The following EPHB2 variants were observed in gnomAD, a reference collection of about 807,000 sequenced individuals.
EPHB2 encodes EPH receptor B2.
Under a neutral mutation model 96.4 loss-of-function variants are expected in EPHB2, and 18 were observed. The ratio of observed to expected loss-of-function variants is 0.19; its 90% CI spans 0.13 to 0.28. EPHB2 has a LOEUF of 0.28. Ranked by LOEUF, EPHB2 falls within the 10% of genes least tolerant of loss-of-function variation. The pLI is 1.00. For synonymous variants in EPHB2, 506 were observed against 534.1 expected (o/e 0.95, Z 0.72); for missense variants, 989 against 1,355.4 (o/e 0.73, Z 4.25).
At chr1:22,864,520 A>G (rs566667656) in intron 4 of EPHB2, among the ~76,000 whole-genome samples, 1 of 152,334 alleles carries the variant, frequency 6.6e-6, no homozygotes, top group Admixed American at 6.5e-5. Context: ...GCACTTAAAC[A>G]CAGGAGGCTG....
chr1:22,740,739 C>T (rs1643891427), intron 1 of EPHB2, among the ~76,000 whole-genome samples: 2 of 152,168 alleles, frequency 1.3e-5, no homozygotes, highest in South Asian at 2.1e-4. Flanking sequence ...CTTCCCCGCC[C>T]GTCTCATCCC....
At chr1:22,879,283 GA>G in intron 5 of EPHB2, among the ~76,000 whole-genome samples, 1 of 152,362 alleles carries the variant, frequency 6.6e-6, no homozygotes, top group Admixed American at 6.5e-5. Context: ...GAGGCATGGG[GA>G]TTGGGGTGCT....
At chr1:22,862,901 G>A in intron 3 of EPHB2, 136 bp from the exon 4 acceptor site, 1 of 1,188,010 alleles carries the variant, frequency 8.4e-7, no homozygotes, top group South Asian at 1.2e-5. Context: ...AACCCTTCAA[G>A]AGATGAGATT....
At chr1:22,785,242 G>C (rs564119944) in intron 3 of EPHB2, among the ~76,000 whole-genome samples, 166 bp downstream of exon 3, 2 of 152,346 alleles carry the variant, frequency 1.3e-5, no homozygotes, top group African/African-American at 4.8e-5. Context: ...TTCTTAGAGG[G>C]AGGCACTTGA....
intron 3 of EPHB2, among the ~76,000 whole-genome samples, chr1:22,839,445 CAG>C (rs1645433716): frequency 6.6e-6 from 1 of 152,182 alleles, no homozygotes; most frequent in East Asian, 1.9e-4. Flanking sequence ...TGGTGACCGT[CAG>C]CAAGAGGCTC....
intron 5 of EPHB2, among the ~76,000 whole-genome samples, chr1:22,871,060 A>G (rs1326108702): frequency 6.6e-6 from 1 of 152,230 alleles, no homozygotes; most frequent in Non-Finnish European, 1.5e-5. Context: ...ACTGTGTGCC[A>G]GGCACCGTGC....
At chr1:22,894,558 T>G (rs1639494101) in intron 7 of EPHB2, among the ~76,000 whole-genome samples, 2 of 151,358 alleles carry the variant, frequency 1.3e-5, no homozygotes, top group South Asian at 2.1e-4. Context: ...GATCGTGCCA[T>G]TTCACTCCAG....
chr1:22,763,083 G>A (rs879784254), intron 1 of EPHB2, among the ~76,000 whole-genome samples: 2 of 152,176 alleles, frequency 1.3e-5, no homozygotes, highest in African/African-American at 2.4e-5. Context: ...GCCCACGCAG[G>A]GGTTCCCTGC....
intron 6 of EPHB2, chr1:22,891,173 G>A (rs894907768): frequency 6.6e-6 from 3 of 455,952 alleles, no homozygotes; most frequent in African/African-American, 6.0e-5. Context: ...GGTCACAGAG[G>A]TCATATATAC....
At chr1:22,853,916 G>A (rs1300189433) in intron 3 of EPHB2, among the ~76,000 whole-genome samples, 1 of 152,044 alleles carries the variant, frequency 6.6e-6, no homozygotes, top group Admixed American at 6.6e-5. Context: ...CTTGGGCAAA[G>A]GGGAGGCATG....
intron 6 of EPHB2, among the ~76,000 whole-genome samples, chr1:22,884,574 C>G (rs368241442): frequency 7.0e-6 from 1 of 142,542 alleles, no homozygotes; most frequent in Admixed American, 7.5e-5. Context: ...GAGCCAAGAT[C>G]GCACCACTGC....
chr1:22,778,930 C>G (rs1294202735), intron 1 of EPHB2, among the ~76,000 whole-genome samples: 4 of 152,232 alleles, frequency 2.6e-5, no homozygotes, highest in Admixed American at 1.3e-4. Flanking sequence ...ATGGAATCCT[C>G]TAGTGTTTGG....
chr1:22,834,550 C>T (rs1271722985), intron 3 of EPHB2, among the ~76,000 whole-genome samples: 2 of 152,018 alleles, frequency 1.3e-5, no homozygotes, highest in Non-Finnish European at 2.9e-5. Context: ...TCAACTCTGC[C>T]ATTGTGACAT....
chr1:22,774,224 G>A (rs1337219858), intron 1 of EPHB2, among the ~76,000 whole-genome samples: 1 of 152,152 alleles, frequency 6.6e-6, no homozygotes, highest in Non-Finnish European at 1.5e-5. Context: ...CTCCTGGCCG[G>A]GACCAGCCGT....
At chr1:22,739,141 G>A (rs1643874079) in intron 1 of EPHB2, among the ~76,000 whole-genome samples, 1 of 152,152 alleles carries the variant, frequency 6.6e-6, no homozygotes, top group Non-Finnish European at 1.5e-5. Context: ...CTGGGCTTAA[G>A]CAATCCTCCT....
rs149317435 is a variant in EPHB2 at position 22,783,030 on chromosome 1, T to A, written c.127-1362T>A. Among the ~76,000 whole-genome samples the A allele has an allele frequency of 4.1e-4, 62 of 152,306 alleles. 1 individual carries two copies. The highest frequency in any genetic ancestry group is 4.7e-4 in the Non-Finnish European group (32 of 68,024). ...CACCCCCACAGTCACATTTGGCAAC[T>A]GGAGGCCCAGGAGGGAGAAATGACT... On this transcript the variant is annotated intron_variant, in intron 2 of 15. Transcript: ENST00000374630.
chr1:22,807,023 G>A (rs962000501), intron 3 of EPHB2, among the ~76,000 whole-genome samples: 9 of 152,216 alleles, frequency 5.9e-5, no homozygotes, highest in African/African-American at 9.6e-5. Flanking sequence ...GCTAGGCGGG[G>A]GAGCAGGAAT....
intron 5 of EPHB2, among the ~76,000 whole-genome samples, chr1:22,869,606 G>A (rs373931253): frequency 1.3e-5 from 2 of 152,066 alleles, no homozygotes; most frequent in South Asian, 4.1e-4. Context: ...GATGGCCTGG[G>A]GGAGGGAAGT....
chr1:22,849,866 T>TG (rs35099386), intron 3 of EPHB2, among the ~76,000 whole-genome samples: 1 of 152,190 alleles, frequency 6.6e-6, no homozygotes, highest in African/African-American at 2.4e-5. Context: ...GAACCCACAC[T>TG]GAAAAAGTTC....
Sources: gnomAD v4.1 joint callset for allele counts (sites outside exome capture counted in the v4.1 genomes callset) on GRCh38, gnomAD v4.1.1 for gene constraint, MANE v1.5 for transcripts, NCBI Gene and HGNC (gene_info 2026-07-23, HGNC 2026-07-21) for gene names.